The following SOX6 variants were observed in gnomAD, a reference collection of about 807,000 sequenced individuals.
SOX6 encodes transcription factor SOX-6.
SOX6 carries 11 observed loss-of-function variants against 97.8 expected under a neutral mutation model. The ratio of observed to expected loss-of-function variants is 0.11; its 90% CI spans 0.07 to 0.19. The LOEUF is 0.19. Ranked by LOEUF, SOX6 falls within the 10% of genes least tolerant of loss-of-function variation. The pLI is 1.00. For synonymous variants in SOX6, 360 were observed against 371.4 expected, an observed-to-expected ratio of 0.97 and a Z score of 0.35; for missense variants, 810 against 1,039.5, an observed-to-expected ratio of 0.78 and a Z score of 3.04.
chr11:16,729,658 G>T (rs1332454353), intron 2 of SOX6, among the ~76,000 whole-genome samples: 1 of 152,106 alleles, frequency 6.6e-6, no homozygotes, highest in African/African-American at 2.4e-5. Flanking sequence ...ACACTATGAA[G>T]AAACTGCATC....
chr11:16,350,089 C>T (rs1211887834), intron 1 of SOX6, among the ~76,000 whole-genome samples: 1 of 152,184 alleles, frequency 6.6e-6, no homozygotes, highest in African/African-American at 2.4e-5. Context: ...AATTGAGGCT[C>T]ATCAAGAGCA....
chr11:16,418,792 A>T (rs1257891338), intron 1 of SOX6, among the ~76,000 whole-genome samples: 3 of 152,036 alleles, frequency 2.0e-5, no homozygotes, highest in Admixed American at 6.6e-5. Context: ...TTAAACAGAA[A>T]TTTTTTACAA....
chr11:16,187,147 G>C (rs916700221), intron 4 of SOX6, among the ~76,000 whole-genome samples, 192 bp from the exon 5 acceptor site: 7 of 152,042 alleles, frequency 4.6e-5, no homozygotes, highest in Non-Finnish European at 1.0e-4. Context: ...GTTCCTCACT[G>C]TTCCTGCCAA....
intron 2 of SOX6, among the ~76,000 whole-genome samples, chr11:16,726,760 A>G (rs1464419750): frequency 6.6e-6 from 1 of 152,222 alleles, no homozygotes; most frequent in Non-Finnish European, 1.5e-5. Flanking sequence ...TGTTGATTAG[A>G]GCAAAAACTA....
intron 1 of SOX6, among the ~76,000 whole-genome samples, chr11:16,432,809 T>C (rs1859296571): frequency 6.6e-6 from 1 of 152,070 alleles, no homozygotes; most frequent in African/African-American, 2.4e-5. Context: ...GAAATGCTGA[T>C]CTAGAAAGCA....
At chr11:16,015,138 G>A (rs1400888782) in intron 12 of SOX6, 88 bp from the exon 13 acceptor site, 2 of 1,098,916 alleles carry the variant, frequency 1.8e-6, no homozygotes, top group African/African-American at 1.5e-5. Context: ...ATGGCCAAAA[G>A]GTGAATTCAA....
At chr11:16,371,020 C>A (rs1046767289) in intron 1 of SOX6, among the ~76,000 whole-genome samples, 8 of 152,114 alleles carry the variant, frequency 5.3e-5, no homozygotes, top group Non-Finnish European at 8.8e-5. Flanking sequence ...CATACCACTT[C>A]TTTGCTCAAA....
chr11:16,169,961 C>T (rs1175207878), intron 6 of SOX6, among the ~76,000 whole-genome samples: 1 of 151,580 alleles, frequency 6.6e-6, no homozygotes, highest in East Asian at 1.9e-4. Context: ...TGTTAATAAA[C>T]CTTGCTTAGG....
chr11:16,210,674 T>G (rs1233873343), intron 4 of SOX6, among the ~76,000 whole-genome samples: 1 of 152,136 alleles, frequency 6.6e-6, no homozygotes, highest in Non-Finnish European at 1.5e-5. Context: ...AAGCAACTAC[T>G]CCAAACAGCC....
intron 3 of SOX6, among the ~76,000 whole-genome samples, chr11:16,619,423 GC>G (rs1490033152): frequency 2.0e-5 from 3 of 151,610 alleles, no homozygotes; most frequent in African/African-American, 7.3e-5. Context: ...CCTGCCCCAT[GC>G]CTAGTAACTG....
At chr11:16,091,703 G>A (rs1484787755) in intron 9 of SOX6, among the ~76,000 whole-genome samples, 1 of 151,940 alleles carries the variant, frequency 6.6e-6, no homozygotes, top group Non-Finnish European at 1.5e-5. Context: ...ATAACGTATG[G>A]TTGACAGGTT....
At chr11:16,373,382 T>C (rs1452126449) in intron 1 of SOX6, among the ~76,000 whole-genome samples, 2 of 152,132 alleles carry the variant, frequency 1.3e-5, no homozygotes, top group Non-Finnish European at 2.9e-5. Context: ...CTGTTTCAGA[T>C]GCCCTGTCTT....
At chr11:16,299,994 G>A (rs1855209628) in intron 3 of SOX6, among the ~76,000 whole-genome samples, 1 of 152,152 alleles carries the variant, frequency 6.6e-6, no homozygotes, top group Admixed American at 6.5e-5. Flanking sequence ...TAGCACGGCT[G>A]AGGAATAAGC....
chr11:16,298,053 T>C (rs1855149889), intron 3 of SOX6, among the ~76,000 whole-genome samples: 1 of 152,192 alleles, frequency 6.6e-6, no homozygotes, highest in South Asian at 2.1e-4. Flanking sequence ...GTTTGTCAAT[T>C]ATAGTCTTAA....
chr11:16,136,344 GT>G (rs34244829), intron 6 of SOX6, among the ~76,000 whole-genome samples: 29,397 of 129,046 alleles, frequency 0.23, 3,041 homozygotes, highest in Non-Finnish European at 0.26. Flanking sequence ...TGTGTGTGTG[GT>G]TTTTTTTTTT....
At chr11:16,391,243 C>T (rs1858172506) in intron 1 of SOX6, among the ~76,000 whole-genome samples, 1 of 152,070 alleles carries the variant, frequency 6.6e-6, no homozygotes, top group Admixed American at 6.6e-5. Context: ...ATGTAGGTGA[C>T]AGGTTGATGG....
intron 4 of SOX6, among the ~76,000 whole-genome samples, chr11:16,229,137 C>T (rs558752275): frequency 6.6e-6 from 1 of 152,174 alleles, no homozygotes; most frequent in African/African-American, 2.4e-5. Context: ...CTCCCTTTCC[C>T]AGCTTCATTA....
chr11:16,227,489 A>G (rs1426391203), intron 4 of SOX6, among the ~76,000 whole-genome samples: 1 of 151,776 alleles, frequency 6.6e-6, no homozygotes, highest in East Asian at 1.9e-4. Context: ...ACTGGAATGT[A>G]GTGGTGCAAT....
intron 4 of SOX6, among the ~76,000 whole-genome samples, chr11:16,209,727 T>C (rs1852168918): frequency 6.6e-6 from 1 of 152,116 alleles, no homozygotes; most frequent in Non-Finnish European, 1.5e-5. Flanking sequence ...CACTCCAACC[T>C]GGGTGACAGC....
Sources: gnomAD v4.1 joint callset for allele counts (sites outside exome capture counted in the v4.1 genomes callset) on GRCh38, gnomAD v4.1.1 for gene constraint, MANE v1.5 for transcripts, NCBI Gene and HGNC (gene_info 2026-07-23, HGNC 2026-07-21) for gene names.